The following PPP1R2 variants were observed in gnomAD, a reference collection of about 807,000 sequenced individuals.
PPP1R2 encodes the protein protein phosphatase 1 regulatory inhibitor subunit 2, also known as protein phosphatase inhibitor 2.
In PPP1R2, 16 loss-of-function variants were observed where a neutral mutation model predicts 29.9. That is an observed-to-expected ratio of 0.53 (90% confidence interval 0.36 to 0.81). PPP1R2 has a LOEUF of 0.81. PPP1R2 is among the 30% of genes least tolerant of loss of function. PPP1R2 has a pLI of 0.00. For missense variants in PPP1R2, 197 were observed against 252.7 expected (o/e 0.78, Z 1.49); for synonymous variants, 76 against 91.5 (o/e 0.83, Z 0.96).
In PPP1R2 at chr3:195,543,017, GGCC is replaced by G. The variant is rs1464953449; in HGVS notation, c.6_8del (p.Ala3del). On this transcript the variant is annotated inframe_deletion, in exon 1 of 6. Coordinates refer to ENST00000618156, the MANE Select transcript of PPP1R2 (RefSeq NM_006241.8). ...TGATGGGCCGGTGCGAGGCCGTCGAGGCCGCCATTGCCGGGCGCTCCGGCTGTC... is the reference window on the plus strand; with the variant it reads ...TGATGGGCCGGTGCGAGGCCGTCGAGGCCATTGCCGGGCGCTCCGGCTGTC... 6.2e-7 allele frequency: 1 copy of G among 1,600,162 alleles called. No individual in the cohort carries two copies. Among genetic ancestry groups the G allele is most frequent in the Admixed American group, 1.7e-5 (1 of 58,284 alleles).
intron 1 of PPP1R2, among the ~76,000 whole-genome samples, chr3:195,534,198 G>T (rs1315929489): frequency 6.6e-6 from 1 of 152,020 alleles, no homozygotes; most frequent in Non-Finnish European, 1.5e-5. Context: ...ACACACACCT[G>T]CAGTCCCAGC....
At position 195,536,575 on chromosome 3, in the gene PPP1R2, A is replaced by C. The variant is rs556772410; in HGVS notation, c.122+6329T>G. ...TTTAGGAGGTGGGCAGATCACCTGA[A>C]GTCAGGAGTTCAAGACCAGCCCGGC... On this transcript the variant is annotated intron_variant, in intron 1 of 5. Coordinates refer to ENST00000618156, the MANE Select transcript of PPP1R2 (RefSeq NM_006241.8). Among the ~76,000 whole-genome samples the C allele has an allele frequency of 4.6e-5, 7 of 152,028 alleles. No individual in the cohort carries two copies. In the South Asian group the frequency reaches 1.0e-3, roughly 23 times the overall value.
intron 1 of PPP1R2, among the ~76,000 whole-genome samples, chr3:195,536,455 CAT>C (rs1369211848): frequency 6.6e-6 from 1 of 152,026 alleles, no homozygotes; most frequent in Non-Finnish European, 1.5e-5. Context: ...AAAATAAACA[CAT>C]ATTAATAATG....
At chr3:195,529,023 T>C (rs187441775) in intron 2 of PPP1R2, 3,240 of 151,428 alleles carry the variant, frequency 0.021, 80 homozygotes, top group Non-Finnish European at 0.03. Flanking sequence ...CCCGCCACCA[T>C]GCCTGGCTAA....
At position 195,542,823 on chromosome 3, in the gene PPP1R2, G is replaced by A. The variant is rs1433357934; in HGVS notation, c.122+81C>T. On this transcript the variant is annotated intron_variant, in intron 1 of 5. Coordinates refer to ENST00000618156, the MANE Select transcript of PPP1R2 (RefSeq NM_006241.8). ...GCGGCACCCGAGCCGCATCCACGCC[G>A]CCCGCCCGCCCCTGGGGTCTGGGTA... 2.4e-5 allele frequency: 35 copies of A among 1,430,660 alleles called. 1 individual carries two copies. Among genetic ancestry groups the A allele is most frequent in the African/African-American group, 1.5e-5 (1 of 68,248 alleles). The allele number at this position is 1,430,660 out of a possible 1,614,324, so 88.6% of individuals were successfully genotyped here.
At chr3:195,536,820 G>A (rs1347381763) in intron 1 of PPP1R2, among the ~76,000 whole-genome samples, 4 of 145,972 alleles carry the variant, frequency 2.7e-5, no homozygotes, top group Non-Finnish European at 6.0e-5. Flanking sequence ...AGACAACGAC[G>A]ACAACTGATC....
chr3:195,533,166 G>C (rs565564879), intron 1 of PPP1R2, among the ~76,000 whole-genome samples: 112 of 152,174 alleles, frequency 7.4e-4, no homozygotes, highest in African/African-American at 2.5e-3. Flanking sequence ...AGCCAACATG[G>C]TGAAACCCCG....
intron 4 of PPP1R2, among the ~76,000 whole-genome samples, chr3:195,522,355 T>C (rs1312408248): frequency 2.0e-5 from 3 of 152,230 alleles, no homozygotes; most frequent in Non-Finnish European, 4.4e-5. Flanking sequence ...CAACAATTTT[T>C]CAGCCACGTA....
At chr3:195,539,341 G>C (rs1451052168) in intron 1 of PPP1R2, among the ~76,000 whole-genome samples, 1 of 152,174 alleles carries the variant, frequency 6.6e-6, no homozygotes, top group East Asian at 1.9e-4. Flanking sequence ...TAGTTATGTG[G>C]ATTTATGGAT....
chr3:195,526,430 A>G (rs150521762), intron 2 of PPP1R2, among the ~76,000 whole-genome samples: 267 of 152,262 alleles, frequency 1.8e-3, no homozygotes, highest in Middle Eastern at 3.4e-3. Flanking sequence ...AAAGAAAGTC[A>G]TGGAAAGAAA....
intron 1 of PPP1R2, among the ~76,000 whole-genome samples, chr3:195,539,308 A>T (rs1183543401): frequency 1.3e-5 from 2 of 152,246 alleles, no homozygotes; most frequent in African/African-American, 2.4e-5. Context: ...CTGTGGTGCA[A>T]TGTACTGAGA....
At chr3:195,537,796 A>C (rs1719452076) in intron 1 of PPP1R2, among the ~76,000 whole-genome samples, 1 of 152,202 alleles carries the variant, frequency 6.6e-6, no homozygotes, top group East Asian at 1.9e-4. Context: ...AAAAAAAATT[A>C]GTACAATTAT....
intron 1 of PPP1R2, among the ~76,000 whole-genome samples, chr3:195,540,703 T>C (rs569932811): frequency 6.6e-6 from 1 of 152,278 alleles, no homozygotes; most frequent in East Asian, 1.9e-4. Context: ...AGACCTGAGC[T>C]GGCACGCTCA....
intron 5 of PPP1R2, 112 bp downstream of exon 5, chr3:195,518,906 G>A (rs1445616858): frequency 2.0e-6 from 3 of 1,491,072 alleles, no homozygotes; most frequent in Non-Finnish European, 2.7e-6. Flanking sequence ...GTATAATAAA[G>A]CGAATCTCAG....
Position 195,516,931 on chromosome 3 carries a change from T to C in PPP1R2, c.583A>G (p.Ser195Gly), listed in dbSNP as rs149867331. The change falls in exon 6 of 6, where the codon AGT (serine) becomes GGT (glycine). Residue 195 changes from serine (S) to glycine (G), a missense_variant. Transcript: ENST00000618156. ...TEESNQGSTPSDQQQNKLRSS is the reference protein window; with the variant it reads ...TEESNQGSTPGDQQQNKLRSS Reference sequence around the variant, plus strand: ...CGTAATTTGTTTTGCTGTTGGTCACTTGGAGTAGATCCTGCAAAGATAAAA... The same window carrying C: ...CGTAATTTGTTTTGCTGTTGGTCACCTGGAGTAGATCCTGCAAAGATAAAA... 48 of 1,612,580 alleles carry C rather than the reference T, an allele frequency of 3.0e-5. No individual in the cohort carries two copies. In the Middle Eastern group the frequency reaches 5.0e-4, roughly 17 times the overall value.
rs1719672969 is a variant in PPP1R2, at chr3:195,543,195, AC to A, written c.-171del. The A allele has an allele frequency of 1.1e-6, 1 of 875,842 alleles. No homozygotes were observed. 54.3% of individuals were successfully genotyped at this position (875,842 alleles called of 1,614,324 possible). A position where few individuals can be genotyped will look rare whatever the true frequency, so the allele number is the denominator to read the frequency against. ...CCGCAGCGGTTGTCACGACACAACG[AC>A]CCCGACGCCAGAGCCAACGCCGAAC... On this transcript the variant is annotated 5_prime_UTR_variant, in exon 1 of 6. Coordinates refer to ENST00000618156, the MANE Select transcript of PPP1R2 (RefSeq NM_006241.8).
intron 1 of PPP1R2, among the ~76,000 whole-genome samples, chr3:195,530,628 C>T (rs966788770): frequency 4.6e-5 from 7 of 150,816 alleles, no homozygotes; most frequent in South Asian, 2.1e-4. Flanking sequence ...CCTGTTCATG[C>T]GCTTCCCCTG....
chr3:195,518,417 C>T (rs912581261), intron 5 of PPP1R2, among the ~76,000 whole-genome samples: 12 of 151,952 alleles, frequency 7.9e-5, no homozygotes, highest in African/African-American at 2.9e-4. Flanking sequence ...TTTGGGAGGC[C>T]GAGGCGGGCG....
intron 2 of PPP1R2, among the ~76,000 whole-genome samples, chr3:195,525,587 T>TA (rs1718941329): frequency 6.6e-6 from 1 of 152,142 alleles, no homozygotes; most frequent in Admixed American, 6.5e-5. Context: ...AATCTTAAGA[T>TA]AGAGACAAAA....
Sources: allele counts gnomAD v4.1 joint callset (sites outside exome capture counted in the v4.1 genomes callset), GRCh38; gene constraint gnomAD v4.1.1; transcripts MANE v1.5; gene names NCBI Gene and HGNC (gene_info 2026-07-23, HGNC 2026-07-21).